Variants in HCN2 observed in about 807,000 individuals in gnomAD.
HCN2 encodes potassium/sodium hyperpolarization-activated cyclic nucleotide-gated channel 2.
A neutral mutation model predicts 52.3 loss-of-function variants in HCN2; 20 were observed. That is an observed-to-expected ratio of 0.38 (90% CI 0.27 to 0.56). The LOEUF is 0.56. HCN2 is among the 20% of genes least tolerant of loss of function. HCN2 has a pLI of 0.71. For synonymous variants in HCN2, 694 were observed against 537.0 expected (o/e 1.29, Z -4.04); for missense variants, 981 against 1,207.7 (o/e 0.81, Z 2.78).
In HCN2 at chr19:590,348, G is replaced by A; in HGVS notation, c.403G>A (p.Ala135Thr). ...GTGCCGCGGGGCGGCCTCGGGGCCC[G>A]CGCCGGGGCCGGGGCCGGCGGAGGA... ...FSCRGAASGPAPGPGPAEEAG... is the reference protein window; with the variant it reads ...FSCRGAASGPTPGPGPAEEAG... Residue 135 changes from alanine to threonine, a missense_variant, in exon 1 of 8, where the codon GCG (alanine) becomes ACG (threonine). Around this residue, in one of 6 missense-constraint regions of HCN2, gnomAD observed 215 missense variants for 179.4 expected, o/e 1.20. Transcript: ENST00000251287. This position sits in a 1 kb window ranked among gnomAD's most constrained non-coding sequence, Gnocchi z 7.2. 1 of 1,088,934 alleles carries A rather than the reference G, an allele frequency of 9.2e-7. No individual in the cohort carries two copies. The highest frequency in any genetic ancestry group is 1.1e-6 in the Non-Finnish European group (1 of 898,450). The allele number at this position is 1,088,934 out of a possible 1,614,324, so 67.5% of individuals were successfully genotyped here.
chr19:608,325 T>TA (rs1983492577), intron 4 of HCN2, 143 bp downstream of exon 4: 2 of 750,220 alleles, frequency 2.7e-6, no homozygotes, highest in Non-Finnish European at 4.4e-6. Context: ...GAGGGAGGCC[T>TA]TGCCCTGGGG....
chr19:605,419 T>A (rs1435671527), intron 3 of HCN2, among the ~76,000 whole-genome samples, 197 bp downstream of exon 3: 1 of 59,872 alleles, frequency 1.7e-5, no homozygotes, highest in African/African-American at 9.3e-5. Context: ...AGGGGAGGAC[T>A]CGGGCCCTTT....
chr19:605,218 T>G lies in HCN2; in HGVS notation c.1214T>G (p.Met405Arg). The change falls in exon 3 of 8, where the codon ATG (methionine) becomes AGG (arginine). Residue 405 changes from methionine (M) to arginine (R), a missense_variant. Physicochemically the swap from Met to Arg is moderately conservative, Grantham distance 91. Coordinates refer to ENST00000251287, the MANE Select transcript of HCN2 (RefSeq NM_001194.4). ...PRNCWVSING[M>R]VNHSWSELYS... ...AACTGCTGGGTGTCCATCAATGGCA[T>G]GGTGGTGAGCGCCGCGGGCCCTGAC... 6.2e-7 allele frequency: 1 copy of G among 1,610,142 alleles called. No individual in the cohort carries two copies. The highest frequency in any genetic ancestry group is 8.5e-7 in the Non-Finnish European group (1 of 1,179,260).
chr19:607,825 A>G (rs11878713), intron 3 of HCN2, 139 bp from the exon 4 acceptor site: 98,550 of 639,286 alleles, frequency 0.15, 10,165 homozygotes, highest in Admixed American at 0.34. Flanking sequence ...CTGGGTCTCC[A>G]TTTCTCTTGG....
At chr19:600,330 G>A (rs768602901) in intron 1 of HCN2, among the ~76,000 whole-genome samples, 5 of 151,722 alleles carry the variant, frequency 3.3e-5, no homozygotes, top group South Asian at 2.1e-4. Context: ...CCGCCACCAC[G>A]CCCGGCTAAT....
chr19:612,538 C>G (rs1355343594), intron 5 of HCN2, among the ~76,000 whole-genome samples: 1 of 151,782 alleles, frequency 6.6e-6, no homozygotes, highest in Non-Finnish European at 1.5e-5. Flanking sequence ...CTCAGCCTCC[C>G]GAGTAGCTGG....
intron 1 of HCN2, among the ~76,000 whole-genome samples, chr19:599,945 G>A (rs984120120): frequency 7.2e-6 from 1 of 138,320 alleles, no homozygotes; most frequent in African/African-American, 2.6e-5. Context: ...CTGGGCTCAA[G>A]CGATCCTCCT....
At position 616,934 on chromosome 19, in the gene HCN2, T is replaced by A. The variant is rs1383133440; in HGVS notation, c.*460T>A. Reference sequence around the variant, plus strand: ...CACGCAATAACCGGCCCGGCCCCCGTCCGCGCGCGTCCCCCGGTGACCTCG... The same window carrying A: ...CACGCAATAACCGGCCCGGCCCCCGACCGCGCGCGTCCCCCGGTGACCTCG... On this transcript the variant is annotated 3_prime_UTR_variant, in exon 8 of 8. Coordinates refer to ENST00000251287, the MANE Select transcript of HCN2 (RefSeq NM_001194.4). 2.8e-6 allele frequency: 1 copy of A among 359,480 alleles called. No homozygotes were observed. The highest frequency in any genetic ancestry group is 7.1e-5 in the East Asian group (1 of 14,070). 22.3% of individuals were successfully genotyped at this position (359,480 alleles called of 1,614,324 possible). A position where few individuals can be genotyped will look rare whatever the true frequency, so the allele number is the denominator to read the frequency against.
intron 1 of HCN2, among the ~76,000 whole-genome samples, chr19:602,444 C>T (rs1983237958): frequency 6.6e-6 from 1 of 152,032 alleles, no homozygotes; most frequent in Non-Finnish European, 1.5e-5. Context: ...GTGGACGCCC[C>T]ACTTCCTCTG....
rs753935785 is a variant in HCN2, at chr19:615,923, C to T, written c.2119C>T (p.Leu707=). ...YDREMVQQAE[L]GQRVGLFPPP... Reference sequence around the variant, plus strand: ...CCGCGAGATGGTGCAGCAGGCCGAGCTGGGTCAGCGCGTGGGCCTCTTCCC... The same window carrying T: ...CCGCGAGATGGTGCAGCAGGCCGAGTTGGGTCAGCGCGTGGGCCTCTTCCC... The change falls in exon 8 of 8, where the codon CTG becomes TTG. Residue 707 remains leucine, a synonymous_variant. Coordinates refer to ENST00000251287, the MANE Select transcript of HCN2 (RefSeq NM_001194.4). The T allele has an allele frequency of 1.1e-5, 18 of 1,611,582 alleles. No individual in the cohort carries two copies. Among genetic ancestry groups the T allele is most frequent in the Non-Finnish European group, 1.5e-5 (18 of 1,179,722 alleles).
intron 6 of HCN2, 33 bp from the exon 7 acceptor site, chr19:613,819 G>C: frequency 1.4e-6 from 2 of 1,480,852 alleles, no homozygotes; most frequent in East Asian, 2.6e-5. Flanking sequence ...CGCCCGCCTC[G>C]TCCAGCAACC....
chr19:607,757 A>C (rs997423695), intron 3 of HCN2, among the ~76,000 whole-genome samples: 2 of 152,218 alleles, frequency 1.3e-5, no homozygotes, highest in Admixed American at 1.3e-4. Flanking sequence ...GGCAGGTAGA[A>C]TCAGCCCTGG....
In HCN2 at chr19:591,190, G is replaced by A. The variant is rs1039561360; in HGVS notation, c.632+613G>A. 6.6e-6 allele frequency: 1 copy of A among 152,172 alleles called. No homozygotes were observed. The highest frequency in any genetic ancestry group is 1.5e-5 in the Non-Finnish European group (1 of 68,046). 9.4% of individuals were successfully genotyped at this position (152,172 alleles called of 1,614,324 possible). A position where few individuals can be genotyped will look rare whatever the true frequency, so the allele number is the denominator to read the frequency against. The stretch of plus-strand genomic sequence containing the variant: ...AGCCGGCTAATGCGTGGAAGGCTCG[G>A]AGCAGGGCCGGCGCGGGGCCACCGC... On this transcript the variant is annotated intron_variant, in intron 1 of 7. Transcript: ENST00000251287. This position sits in a 1 kb window ranked among gnomAD's most constrained non-coding sequence, Gnocchi z 4.1.
chr19:605,251 G>T, intron 3 of HCN2, 29 bp downstream of exon 3: 1 of 1,606,430 alleles, frequency 6.2e-7, no homozygotes, highest in Non-Finnish European at 8.5e-7. Context: ...GACGGAGGGG[G>T]AGACGCAGGC....
chr19:612,144 C>CA (rs911099931), intron 5 of HCN2, among the ~76,000 whole-genome samples: 3,936 of 135,524 alleles, frequency 0.029, 133 homozygotes, highest in African/African-American at 0.085. Context: ...GACTCCGTCT[C>CA]AAAAAAAAAA....
chr19:596,018 C>T (rs971262759), intron 1 of HCN2, among the ~76,000 whole-genome samples: 1 of 152,232 alleles, frequency 6.6e-6, no homozygotes. Context: ...GCAGGCCCTC[C>T]CCTGGGATCC....
intron 5 of HCN2, among the ~76,000 whole-genome samples, chr19:610,677 G>C (rs1227056184): frequency 6.6e-6 from 1 of 152,230 alleles, no homozygotes; most frequent in Non-Finnish European, 1.5e-5. Context: ...CAGGGCAGGG[G>C]GTGGGGAGGG....
At chr19:615,699 C>G (rs1374164001) in intron 7 of HCN2, 96 bp from the exon 8 acceptor site, 18 of 1,186,050 alleles carry the variant, frequency 1.5e-5, no homozygotes, top group Middle Eastern at 2.8e-4. Flanking sequence ...ACACGGCAAG[C>G]ACTGTGTGCG....
chr19:601,978 G>C (rs1044770696), intron 1 of HCN2, among the ~76,000 whole-genome samples: 13 of 151,940 alleles, frequency 8.6e-5, no homozygotes, highest in Admixed American at 6.6e-5. Context: ...TTTATCATAC[G>C]GAACGTCCGA....
Sources: allele counts gnomAD v4.1 joint callset (sites outside exome capture counted in the v4.1 genomes callset), GRCh38; gene constraint gnomAD v4.1.1; regional missense constraint gnomAD v4.1.1; non-coding constraint Gnocchi (gnomAD v3.1); transcripts MANE v1.5; gene names NCBI Gene and HGNC (gene_info 2026-07-23, HGNC 2026-07-21).